Variants in TMUB2 observed in about 807,000 individuals in gnomAD.
The protein encoded by TMUB2 is transmembrane and ubiquitin-like domain-containing protein 2.
A neutral mutation model predicts 20.2 loss-of-function variants in TMUB2; 19 were observed. The ratio of observed to expected loss-of-function variants is 0.94; its 90% CI spans 0.66 to 1.38. The LOEUF is 1.38. Among genes scored for constraint, TMUB2 ranks in the 40% most tolerant of loss-of-function variants. TMUB2 has a pLI of 0.00. For synonymous variants in TMUB2, 186 were observed against 166.0 expected (o/e 1.12, Z -0.92); for missense variants, 426 against 402.5 (o/e 1.06, Z -0.50).
In TMUB2 at chr17:44,191,837, C is replaced by T. The variant is rs1247098152; in HGVS notation, c.*973C>T. 3.2e-6 allele frequency: 2 copies of T among 623,364 alleles called. No homozygotes were observed. 38.6% of individuals were successfully genotyped at this position (623,364 alleles called of 1,614,324 possible). Reference sequence around the variant, plus strand: ...GGGAGATGCAGTTTATTTACACCAGCAGCCATGGGGGCAGAGGGAATACAC... The same window carrying T: ...GGGAGATGCAGTTTATTTACACCAGTAGCCATGGGGGCAGAGGGAATACAC... On this transcript the variant is annotated 3_prime_UTR_variant, in exon 4 of 4. Coordinates refer to ENST00000538716, the MANE Select transcript of TMUB2 (RefSeq NM_001076674.3).
In TMUB2 at chr17:44,191,618, C is replaced by T; in HGVS notation, c.*754C>T. On this transcript the variant is annotated 3_prime_UTR_variant, in exon 4 of 4. Transcript: ENST00000538716. ...GCACTGGCCCTTGGCCAGCGTCCTA[C>T]CCTGCCCAACTCCAAGGACTGGGTA... is the stretch of plus-strand genomic sequence containing the variant. 1 of 985,920 alleles carries T rather than the reference C, an allele frequency of 1.0e-6. No homozygotes were observed. Among genetic ancestry groups the T allele is most frequent in the South Asian group, 4.7e-5 (1 of 21,290 alleles). The allele number at this position is 985,920 out of a possible 1,614,324, so 61.1% of individuals were successfully genotyped here. A position where few individuals can be genotyped will look rare whatever the true frequency, so the allele number is the denominator to read the frequency against.
In TMUB2 at chr17:44,191,032, CAGG is replaced by C. The variant is rs1479203486; in HGVS notation, c.*171_*173del. ...GTATGCGGCCTCCCCTTCTCATCCA[CAGG>C]AGTACAGATGTCCCTCCCGTGCGAG... On this transcript the variant is annotated 3_prime_UTR_variant, in exon 4 of 4. Coordinates refer to ENST00000538716, the MANE Select transcript of TMUB2 (RefSeq NM_001076674.3). 3.5e-6 allele frequency: 5 copies of C among 1,443,230 alleles called. No individual in the cohort carries two copies. Among genetic ancestry groups the C allele is most frequent in the Non-Finnish European group, 1.8e-6 (2 of 1,104,312 alleles). 89.4% of individuals were successfully genotyped at this position (1,443,230 alleles called of 1,614,324 possible).
In TMUB2 at chr17:44,189,184, C is replaced by G; in HGVS notation, c.198C>G (p.Leu66=). 6.2e-7 allele frequency: 1 copy of G among 1,614,176 alleles called. No individual in the cohort carries two copies. The highest frequency in any genetic ancestry group is 8.5e-7 in the Non-Finnish European group (1 of 1,180,034). Residue 66 remains leucine (L), a synonymous_variant, in exon 3 of 4, where the codon CTC becomes CTG. Transcript: ENST00000538716. ...TYVADSGSNQ[L]LGAIVSAGDT... ...TAGCAGACAGCGGTAGCAACCAGCT[C>G]CTGGGCGCTATTGTGTCAGCAGGCG...
chr17:44,191,742 G>A lies in TMUB2; in HGVS notation c.*878G>A. Reference sequence around the variant, plus strand: ...TTTTGTGGTCCTGCAGCCTCTTTCTGTGACAGAGAATGGCTTTGCGCTGCC... The same window carrying A: ...TTTTGTGGTCCTGCAGCCTCTTTCTATGACAGAGAATGGCTTTGCGCTGCC... On this transcript the variant is annotated 3_prime_UTR_variant, in exon 4 of 4. Transcript: ENST00000538716. 3 of 985,636 alleles carry A rather than the reference G, an allele frequency of 3.0e-6. No individual in the cohort carries two copies. The highest frequency in any genetic ancestry group is 2.4e-6 in the Non-Finnish European group (2 of 829,886). 61.1% of individuals were successfully genotyped at this position (985,636 alleles called of 1,614,324 possible). A position where few individuals can be genotyped will look rare whatever the true frequency, so the allele number is the denominator to read the frequency against.
chr17:44,189,763 G>A (rs906907297), intron 3 of TMUB2, 175 bp downstream of exon 3: 7 of 571,720 alleles, frequency 1.2e-5, no homozygotes, highest in Middle Eastern at 4.6e-4. Context: ...AGTGGCTCCC[G>A]GGACTTTGGG....
chr17:44,190,821 C>A lies in TMUB2; in HGVS notation c.923C>A (p.Thr308Asn), dbSNP rs1567762072. The A allele has an allele frequency of 6.2e-7, 1 of 1,614,008 alleles. No homozygotes were observed. Residue 308 changes from threonine (T) to asparagine (N), a missense_variant, in exon 4 of 4, where the codon ACC becomes AAC. Transcript: ENST00000538716. Reference protein sequence around the residue: ...APATVSLVGVTVFFSFLVFGM... With the variant: ...APATVSLVGVNVFFSFLVFGM... ...GCCACTGTCTCCCTGGTGGGAGTCACCGTCTTCTTCAGCTTCCTAGTATTT... is the reference window on the plus strand; with the variant it reads ...GCCACTGTCTCCCTGGTGGGAGTCAACGTCTTCTTCAGCTTCCTAGTATTT...
In TMUB2 at chr17:44,191,369, T is replaced by C. The variant is rs1245478958; in HGVS notation, c.*505T>C. On this transcript the variant is annotated 3_prime_UTR_variant, in exon 4 of 4. Transcript: ENST00000538716. ...AATGAAGATTGTGCCAGCCTTCTCT[T>C]ATGGGCACCTAGCCGCCTTCACCTT... 2.0e-6 allele frequency: 2 copies of C among 987,932 alleles called. No homozygotes were observed. The highest frequency in any genetic ancestry group is 2.4e-6 in the Non-Finnish European group (2 of 831,268). The allele number at this position is 987,932 out of a possible 1,614,324, so 61.2% of individuals were successfully genotyped here. A position where few individuals can be genotyped will look rare whatever the true frequency, so the allele number is the denominator to read the frequency against.
rs926327489 is a variant in TMUB2 at position 44,189,148 on chromosome 17, C to T, written c.162C>T (p.Leu54=). The part of the protein sequence containing the change: ...VLILALVLAW[L]STYVADSGSN... The stretch of plus-strand genomic sequence containing the variant: ...TTCTAGCCTTGGTCCTAGCTTGGCT[C>T]TCTACCTACGTAGCAGACAGCGGTA... The change falls in exon 3 of 4, where the codon CTC becomes CTT. Residue 54 remains leucine, a synonymous_variant. Coordinates refer to ENST00000538716, the MANE Select transcript of TMUB2 (RefSeq NM_001076674.3). 1.9e-6 allele frequency: 3 copies of T among 1,613,996 alleles called. No homozygotes were observed. Among genetic ancestry groups the T allele is most frequent in the East Asian group, 2.2e-5 (1 of 44,890 alleles).
Position 44,187,658 on chromosome 17 carries a change from A to G in TMUB2, c.-33-18A>G, listed in dbSNP as rs2054653029. On this transcript the variant is annotated intron_variant, in intron 1 of 3. Transcript: ENST00000538716. Reference sequence around the variant, plus strand: ...TGATAAATAATTACTACCGTTATTAAGCAATTGCAATTTGCAGTGTGCCAG... The same window carrying G: ...TGATAAATAATTACTACCGTTATTAGGCAATTGCAATTTGCAGTGTGCCAG... 1.4e-6 allele frequency: 1 copy of G among 718,110 alleles called. No individual in the cohort carries two copies. Among genetic ancestry groups the G allele is most frequent in the Non-Finnish European group, 2.6e-6 (1 of 384,676 alleles). 44.5% of individuals were successfully genotyped at this position (718,110 alleles called of 1,614,324 possible).
At chr17:44,190,204 A>G in intron 3 of TMUB2, 1 of 245,548 alleles carries the variant, frequency 4.1e-6, no homozygotes, top group Non-Finnish European at 7.8e-6. Flanking sequence ...TACAAAAATT[A>G]GCTGGGCATG....
In TMUB2 at chr17:44,191,116, A is replaced by G. The variant is rs2055516368; in HGVS notation, c.*252A>G. The G allele has an allele frequency of 1.6e-6, 2 of 1,227,934 alleles. No homozygotes were observed. The highest frequency in any genetic ancestry group is 8.7e-5 in the East Asian group (2 of 22,906). 76.1% of individuals were successfully genotyped at this position (1,227,934 alleles called of 1,614,324 possible). A position where few individuals can be genotyped will look rare whatever the true frequency, so the allele number is the denominator to read the frequency against. On this transcript the variant is annotated 3_prime_UTR_variant, in exon 4 of 4. Coordinates refer to ENST00000538716, the MANE Select transcript of TMUB2 (RefSeq NM_001076674.3). ...TTCCTTCACTTTTAGGGTCCTCTGA[A>G]GGAGTTCAAAGCTGCTGGCCAAGCT... is the stretch of plus-strand genomic sequence containing the variant.
In TMUB2 at chr17:44,189,620, T is replaced by C. The variant is rs888333911; in HGVS notation, c.602+32T>C. On this transcript the variant is annotated intron_variant, in intron 3 of 3. Transcript: ENST00000538716. ...GGCCTGGGAAGTGGGAAGCTGCTTG[T>C]GCTCATCCCCCAGCCCTTGGTTGCC... is the stretch of plus-strand genomic sequence containing the variant. 1.3e-5 allele frequency: 20 copies of C among 1,523,438 alleles called. No individual in the cohort carries two copies. In the African/African-American group the frequency reaches 1.5e-4, roughly 12 times the overall value. 94.4% of individuals were successfully genotyped at this position (1,523,438 alleles called of 1,614,324 possible).
chr17:44,189,209 G>A lies in TMUB2; in HGVS notation c.223G>A (p.Asp75Asn), dbSNP rs771117391. 4.3e-6 allele frequency: 7 copies of A among 1,613,886 alleles called. No homozygotes were observed. The Admixed American group carries it at 6.7e-5, about 15-fold the overall frequency. The change falls in exon 3 of 4, where the codon GAC becomes AAC. Residue 75 changes from aspartate (D) to asparagine (N), a missense_variant. Asp to Asn is a conservative substitution (Grantham distance 23). Transcript: ENST00000538716. Reference sequence around the variant, plus strand: ...CCTGGGCGCTATTGTGTCAGCAGGCGACACATCCGTCCTCCACCTGGGGCA... The same window carrying A: ...CCTGGGCGCTATTGTGTCAGCAGGCAACACATCCGTCCTCCACCTGGGGCA... ...QLLGAIVSAG[D>N]TSVLHLGHVD...
chr17:44,191,587 G>T lies in TMUB2; in HGVS notation c.*723G>T. ...CCCGTAGTCCTCAGGCTGTAAGCAA[G>T]AGACAGCACTGGCCCTTGGCCAGCG... On this transcript the variant is annotated 3_prime_UTR_variant, in exon 4 of 4. Transcript: ENST00000538716. The T allele has an allele frequency of 1.0e-6, 1 of 985,900 alleles. No homozygotes were observed. The highest frequency in any genetic ancestry group is 1.2e-6 in the Non-Finnish European group (1 of 830,050). The allele number at this position is 985,900 out of a possible 1,614,324, so 61.1% of individuals were successfully genotyped here. A position where few individuals can be genotyped will look rare whatever the true frequency, so the allele number is the denominator to read the frequency against.
In TMUB2 at chr17:44,191,459, T is replaced by C. The variant is rs2055567011; in HGVS notation, c.*595T>C. 2.0e-6 allele frequency: 2 copies of C among 985,748 alleles called. No individual in the cohort carries two copies. Among genetic ancestry groups the C allele is most frequent in the Non-Finnish European group, 2.4e-6 (2 of 829,970 alleles). The allele number at this position is 985,748 out of a possible 1,614,324, so 61.1% of individuals were successfully genotyped here. ...CTTTCAAAGCACTTTGCTTGCATTTTATTTTATTTTTTTAAGAGTCCTTCA... is the reference window on the plus strand; with the variant it reads ...CTTTCAAAGCACTTTGCTTGCATTTCATTTTATTTTTTTAAGAGTCCTTCA... On this transcript the variant is annotated 3_prime_UTR_variant, in exon 4 of 4. Coordinates refer to ENST00000538716, the MANE Select transcript of TMUB2 (RefSeq NM_001076674.3).
chr17:44,190,247 A>G, intron 3 of TMUB2: 1 of 367,200 alleles, frequency 2.7e-6, no homozygotes, highest in Non-Finnish European at 4.8e-6. Flanking sequence ...GCTACTCGGG[A>G]GGGTGAGGCA....
In TMUB2 at chr17:44,191,587, G is replaced by A; in HGVS notation, c.*723G>A. 1 of 986,018 alleles carries A rather than the reference G, an allele frequency of 1.0e-6. No homozygotes were observed. Among genetic ancestry groups the A allele is most frequent in the Non-Finnish European group, 1.2e-6 (1 of 830,042 alleles). The allele number at this position is 986,018 out of a possible 1,614,324, so 61.1% of individuals were successfully genotyped here. On this transcript the variant is annotated 3_prime_UTR_variant, in exon 4 of 4. Transcript: ENST00000538716. ...CCCGTAGTCCTCAGGCTGTAAGCAA[G>A]AGACAGCACTGGCCCTTGGCCAGCG...
chr17:44,187,591 A>G (rs2054636001), intron 1 of TMUB2, 85 bp from the exon 2 acceptor site: 1 of 688,528 alleles, frequency 1.5e-6, no homozygotes, highest in South Asian at 1.5e-5. Flanking sequence ...AATCATGGTT[A>G]ATAACATTAA....
Position 44,191,023 on chromosome 17 carries a change from T to C in TMUB2, c.*159T>C. 2 of 1,455,552 alleles carry C rather than the reference T, an allele frequency of 1.4e-6. No individual in the cohort carries two copies. The highest frequency in any genetic ancestry group is 1.8e-6 in the Non-Finnish European group (2 of 1,110,532). The allele number at this position is 1,455,552 out of a possible 1,614,324, so 90.2% of individuals were successfully genotyped here. A position where few individuals can be genotyped will look rare whatever the true frequency, so the allele number is the denominator to read the frequency against. ...AGGAGGCAAGTATGCGGCCTCCCCT[T>C]CTCATCCACAGGAGTACAGATGTCC... On this transcript the variant is annotated 3_prime_UTR_variant, in exon 4 of 4. Transcript: ENST00000538716.
Sources: gnomAD v4.1 joint callset for allele counts on GRCh38, gnomAD v4.1.1 for gene constraint, MANE v1.5 for transcripts, NCBI Gene and HGNC (gene_info 2026-07-23, HGNC 2026-07-21) for gene names.